CSMD1: variants seen among roughly 807,000 people sequenced by gnomAD.
The protein encoded by CSMD1 is CUB and sushi domain-containing protein 1.
Under a neutral mutation model 417.5 loss-of-function variants are expected in CSMD1, and 213 were observed. That is an observed-to-expected ratio of 0.51 (90% CI 0.46 to 0.57). CSMD1 has a LOEUF of 0.57. Among genes scored for constraint, CSMD1 ranks in the 20% least tolerant of loss-of-function variants. The pLI, the probability that CSMD1 is intolerant of heterozygous loss-of-function variation, is 0.00. For missense variants in CSMD1, 6,923 were observed against 4,529.7 expected, an observed-to-expected ratio of 1.53 and a Z score of -15.17; for synonymous variants, 2,862 against 1,736.8, an observed-to-expected ratio of 1.65 and a Z score of -16.11.
At chr8:4,144,505 C>G (rs534192102) in intron 3 of CSMD1, among the ~76,000 whole-genome samples, 40 of 151,084 alleles carry the variant, frequency 2.6e-4, no homozygotes, top group Non-Finnish European at 5.3e-4. Context: ...GGGCTCCAGT[C>G]TAAATGCTTC....
At chr8:4,289,266 C>G (rs919415021) in intron 3 of CSMD1, among the ~76,000 whole-genome samples, 89 of 152,314 alleles carry the variant, frequency 5.8e-4, no homozygotes, top group African/African-American at 1.9e-3. Context: ...CTGGAAGCCT[C>G]TTTAGGCTAA....
intron 3 of CSMD1, among the ~76,000 whole-genome samples, chr8:4,394,814 A>T (rs954691315): frequency 2.6e-5 from 4 of 151,872 alleles, no homozygotes; most frequent in African/African-American, 4.8e-5. Flanking sequence ...GCTGACTTTA[A>T]ATTTCTGGAT....
intron 1 of CSMD1, among the ~76,000 whole-genome samples, chr8:4,832,626 T>G (rs1048100489): frequency 2.6e-5 from 4 of 152,204 alleles, no homozygotes; most frequent in African/African-American, 9.7e-5. Flanking sequence ...ATAGTAAGTG[T>G]CAAATCTATC....
chr8:3,689,714 T>C (rs1468897271), intron 7 of CSMD1, among the ~76,000 whole-genome samples: 1 of 135,866 alleles, frequency 7.4e-6, no homozygotes, highest in Non-Finnish European at 1.7e-5. Flanking sequence ...AGTACTATAA[T>C]CAATCCCTTT....
chr8:4,944,198 C>A (rs751658141), intron 1 of CSMD1, among the ~76,000 whole-genome samples: 3 of 152,052 alleles, frequency 2.0e-5, no homozygotes, highest in Non-Finnish European at 4.4e-5. Context: ...TTTGGAAATT[C>A]CTAGTGTATG....
intron 68 of CSMD1, among the ~76,000 whole-genome samples, chr8:2,943,814 A>G (rs2128914574): frequency 6.6e-6 from 1 of 152,370 alleles, no homozygotes; most frequent in Non-Finnish European, 1.5e-5. Context: ...TCATCTCAAT[A>G]TAGCAGAATT....
intron 2 of CSMD1, among the ~76,000 whole-genome samples, chr8:4,452,798 A>G (rs1415221778): frequency 1.3e-5 from 2 of 152,190 alleles, no homozygotes; most frequent in African/African-American, 4.8e-5. Flanking sequence ...TTGGATTAAT[A>G]ACAAAAATCC....
chr8:4,264,937 G>T (rs758406617), intron 3 of CSMD1, among the ~76,000 whole-genome samples: 1 of 152,160 alleles, frequency 6.6e-6, no homozygotes, highest in Admixed American at 6.5e-5. Flanking sequence ...ACTTCTACTT[G>T]AATCAAATAT....
At chr8:4,389,286 T>C (rs1180419247) in intron 3 of CSMD1, among the ~76,000 whole-genome samples, 3 of 152,130 alleles carry the variant, frequency 2.0e-5, no homozygotes, top group African/African-American at 7.2e-5. Context: ...CCAGGAGAAT[T>C]AGAAAATGCG....
intron 11 of CSMD1, among the ~76,000 whole-genome samples, chr8:3,483,072 A>T (rs948487894): frequency 2.0e-5 from 3 of 152,272 alleles, no homozygotes; most frequent in Middle Eastern, 6.8e-3. Flanking sequence ...AGATTCTAGC[A>T]TAAGTAATGC....
intron 1 of CSMD1, among the ~76,000 whole-genome samples, chr8:4,866,426 T>G (rs2116894224): frequency 6.6e-6 from 1 of 152,160 alleles, no homozygotes; most frequent in East Asian, 1.9e-4. Flanking sequence ...TAAGATAATC[T>G]TGATAAAAGA....
chr8:4,387,926 G>A (rs1235350743), intron 3 of CSMD1, among the ~76,000 whole-genome samples: 3 of 151,984 alleles, frequency 2.0e-5, no homozygotes, highest in Middle Eastern at 3.4e-3. Flanking sequence ...TATGACTATC[G>A]AGTAACAACA....
chr8:4,713,895 G>T (rs1464696489), intron 1 of CSMD1, among the ~76,000 whole-genome samples: 1 of 152,036 alleles, frequency 6.6e-6, no homozygotes, highest in Non-Finnish European at 1.5e-5. Flanking sequence ...ATAAAATTTG[G>T]GCTTGTGGGG....
At chr8:4,994,259 C>T (rs1203140716) in intron 1 of CSMD1, 73 bp downstream of exon 1, 10 of 1,407,918 alleles carry the variant, frequency 7.1e-6, no homozygotes, top group African/African-American at 1.4e-5. Flanking sequence ...GTCCCCAAAA[C>T]GCACACTCGC....
At chr8:4,058,241 G>A (rs958512937) in intron 3 of CSMD1, among the ~76,000 whole-genome samples, 1 of 151,934 alleles carries the variant, frequency 6.6e-6, no homozygotes, top group Admixed American at 6.6e-5. Flanking sequence ...CCTTGAAGAG[G>A]TCCTTCACAT....
intron 3 of CSMD1, among the ~76,000 whole-genome samples, chr8:4,182,039 T>G (rs1211576523): frequency 9.3e-5 from 11 of 118,694 alleles, no homozygotes; most frequent in Non-Finnish European, 2.0e-4. Flanking sequence ...TGTGTGTGTG[T>G]GTGTCGGTGT....
chr8:3,346,229 T>A (rs1164302767), intron 22 of CSMD1, among the ~76,000 whole-genome samples: 1 of 152,226 alleles, frequency 6.6e-6, no homozygotes, highest in African/African-American at 2.4e-5. Context: ...CTTTTTGTTA[T>A]AATCAACTTT....
intron 10 of CSMD1, among the ~76,000 whole-genome samples, chr8:3,524,780 CGA>C (rs1797686471): frequency 6.7e-6 from 1 of 148,688 alleles, no homozygotes; most frequent in Non-Finnish European, 1.5e-5. Flanking sequence ...GCAAGTGCAC[CGA>C]GAGACATGCA....
Position 2,940,125 on chromosome 8 carries a change from C to G in CSMD1, c.10536-1381G>C, listed in dbSNP as rs138484077. ...AGCCAACTCATCAAGAAATATTTAT[C>G]TCTTTAGAGCCTGAGAAGCCAGTGT... is the stretch of plus-strand genomic sequence containing the variant. On this transcript the variant is annotated intron_variant, in intron 69 of 69. Transcript: ENST00000635120. 3.1e-3 allele frequency among the ~76,000 whole-genome samples: 466 copies of G among 152,316 alleles called. 7 individuals are homozygous for G. The highest frequency in any genetic ancestry group is 9.6e-3 in the African/African-American group (399 of 41,576).
Sources: allele counts gnomAD v4.1 joint callset (sites outside exome capture counted in the v4.1 genomes callset), GRCh38; gene constraint gnomAD v4.1.1; transcripts MANE v1.5; gene names NCBI Gene and HGNC (gene_info 2026-07-23, HGNC 2026-07-21).